Variants in S100B observed in about 807,000 individuals in gnomAD.
The protein encoded by S100B is protein S100-B.
Under a neutral mutation model 7.7 loss-of-function variants are expected in S100B, and 6 were observed. That is an observed-to-expected ratio of 0.78 (90% CI 0.43 to 1.54). S100B has a LOEUF of 1.54. Ranked by LOEUF, S100B falls within the 40% of genes most tolerant of loss-of-function variation. The probability of loss-of-function intolerance (pLI) is 0.01; values close to 1 mark genes in which losing one functional copy is unlikely to be tolerated. For missense variants in S100B, 99 were observed against 111.8 expected (o/e 0.89, Z 0.52); for synonymous variants, 36 against 40.4 (o/e 0.89, Z 0.41).
At position 46,599,387 on chromosome 21, in the gene S100B, G is replaced by A. The variant is rs779543088; in HGVS notation, c.255C>T (p.Cys85=). Residue 85 remains cysteine (C), a synonymous_variant, in exon 3 of 3, where the codon TGC becomes TGT. Coordinates refer to ENST00000291700, the MANE Select transcript of S100B (RefSeq NM_006272.3). The part of the protein sequence containing the change: ...MAFVAMVTTA[C]HEFFEHE ...CTCACTCATGTTCAAAGAACTCGTGGCAGGCAGTAGTAACCATGGCAACAA... is the reference window on the plus strand; with the variant it reads ...CTCACTCATGTTCAAAGAACTCGTGACAGGCAGTAGTAACCATGGCAACAA... The A allele has an allele frequency of 6.2e-7, 1 of 1,613,796 alleles. No homozygotes were observed. The highest frequency in any genetic ancestry group is 2.2e-5 in the East Asian group (1 of 44,886).
intron 1 of S100B, among the ~76,000 whole-genome samples, chr21:46,603,392 A>AGGGGGTGGGGGGAGGGGGGGGGCGGGGG (rs796474856): frequency 5.2e-5 from 2 of 38,224 alleles, no homozygotes; most frequent in African/African-American, 1.0e-4. Context: ...GGACGGCGGG[A>AGGGGGTGGGGGGAGGGGGGGGGCGGGGG]GGGGGTGGGG....
At chr21:46,600,581 G>A (rs978080290) in intron 2 of S100B, among the ~76,000 whole-genome samples, 1 of 152,020 alleles carries the variant, frequency 6.6e-6, no homozygotes, top group Admixed American at 6.6e-5. Flanking sequence ...ACAGAAGATT[G>A]TAACTCCACG....
At chr21:46,603,392 A>AGGGGGTGGGGGGAGGGGGGAGGCGGGG (rs796474856) in intron 1 of S100B, among the ~76,000 whole-genome samples, 1 of 38,206 alleles carries the variant, frequency 2.6e-5, no homozygotes. Context: ...GGACGGCGGG[A>AGGGGGTGGGGGGAGGGGGGAGGCGGGG]GGGGGTGGGG....
intron 1 of S100B, among the ~76,000 whole-genome samples, chr21:46,603,398 T>TGGGGGCGGGGGGGGGGG (rs2061048295): frequency 1.9e-5 from 1 of 52,070 alleles, no homozygotes; most frequent in African/African-American, 7.1e-5. Flanking sequence ...CGGGAGGGGG[T>TGGGGGCGGGGGGGGGGG]GGGGGCAGGA....
At position 46,602,366 on chromosome 21, in the gene S100B, T is replaced by C; in HGVS notation, c.50A>G (p.Gln17Arg). 6.2e-7 allele frequency: 1 copy of C among 1,614,138 alleles called. No homozygotes were observed. The change falls in exon 2 of 3, where the codon CAA becomes CGA. Residue 17 changes from glutamine (Q) to arginine (R), a missense_variant. Physicochemically the swap from Gln to Arg is conservative, Grantham distance 43 (BLOSUM62 1). Transcript: ENST00000291700. Reference sequence around the variant, plus strand: ...CTTGTCTCCCTCCCTTCCAGAATATTGGTGGAAAACGTCGATGAGGGCCAC... The same window carrying C: ...CTTGTCTCCCTCCCTTCCAGAATATCGGTGGAAAACGTCGATGAGGGCCAC... ...AMVALIDVFH[Q>R]YSGREGDKHK...
chr21:46,601,216 C>T (rs1351633150), intron 2 of S100B, among the ~76,000 whole-genome samples: 2 of 152,168 alleles, frequency 1.3e-5, no homozygotes, highest in Non-Finnish European at 2.9e-5. Flanking sequence ...GGGCAGCTCC[C>T]CGTCCCCATG....
At chr21:46,601,116 G>GC (rs2061040128) in intron 2 of S100B, among the ~76,000 whole-genome samples, 1 of 152,132 alleles carries the variant, frequency 6.6e-6, no homozygotes, top group Non-Finnish European at 1.5e-5. Flanking sequence ...ACCAGCCAGC[G>GC]CCCCCTCCCC....
chr21:46,603,398 T>TAGGGGCGGGGGGGGGGGC (rs2061047980), intron 1 of S100B, among the ~76,000 whole-genome samples: 1 of 52,070 alleles, frequency 1.9e-5, no homozygotes, highest in African/African-American at 7.1e-5. Context: ...CGGGAGGGGG[T>TAGGGGCGGGGGGGGGGGC]GGGGGCAGGA....
At chr21:46,601,583 C>T (rs941666739) in intron 2 of S100B, among the ~76,000 whole-genome samples, 2 of 152,166 alleles carry the variant, frequency 1.3e-5, no homozygotes, top group African/African-American at 2.4e-5. Context: ...CAAGCCACAG[C>T]GGGAACTGCC....
At chr21:46,602,728 C>G in intron 1 of S100B, 1 of 247,116 alleles carries the variant, frequency 4.0e-6, no homozygotes. Flanking sequence ...AATACAGAGG[C>G]AGAGCAGCAA....
intron 2 of S100B, 60 bp downstream of exon 2, chr21:46,602,218 T>C: frequency 6.9e-7 from 1 of 1,457,218 alleles, no homozygotes; most frequent in South Asian, 1.2e-5. Flanking sequence ...ATAAAGCCAG[T>C]GTACAGATGG....
chr21:46,604,309 T>C (rs1012569622), intron 1 of S100B, among the ~76,000 whole-genome samples: 1 of 152,236 alleles, frequency 6.6e-6, no homozygotes, highest in African/African-American at 2.4e-5. Flanking sequence ...CCTACATTAA[T>C]CTTTTAATAT....
chr21:46,601,337 C>G (rs1418782672), intron 2 of S100B, among the ~76,000 whole-genome samples: 1 of 152,078 alleles, frequency 6.6e-6, no homozygotes, highest in Non-Finnish European at 1.5e-5. Flanking sequence ...TATCAGTGAC[C>G]CAGGAAGCCC....
Position 46,600,383 on chromosome 21 carries a change from G to A in S100B, c.139-880C>T, listed in dbSNP as rs1054726473. 1.2e-4 allele frequency: 55 copies of A among 442,016 alleles called. No individual in the cohort carries two copies. The Admixed American group carries it at 1.3e-3, about 11-fold the overall frequency. The allele number at this position is 442,016 out of a possible 1,614,324, so 27.4% of individuals were successfully genotyped here. ...CATAGGGAGACTCCATCTCTACAAA[G>A]AAAAAATAAAACAATTAGCTGGGCA... On this transcript the variant is annotated intron_variant, in intron 2 of 2. Coordinates refer to ENST00000291700, the MANE Select transcript of S100B (RefSeq NM_006272.3).
At chr21:46,602,613 C>A in intron 1 of S100B, 197 bp from the exon 2 acceptor site, 2 of 526,844 alleles carry the variant, frequency 3.8e-6, no homozygotes, top group Non-Finnish European at 3.3e-6. Context: ...CCACCGGCCT[C>A]TTAGACAGCT....
At chr21:46,600,392 A>G (rs1359179682) in intron 2 of S100B, 2 of 444,084 alleles carry the variant, frequency 4.5e-6, no homozygotes, top group Admixed American at 4.8e-5. Flanking sequence ...AGAAAAAATA[A>G]AACAATTAGC....
At chr21:46,604,295 A>T (rs773144243) in intron 1 of S100B, among the ~76,000 whole-genome samples, 1 of 152,250 alleles carries the variant, frequency 6.6e-6, no homozygotes, top group Non-Finnish European at 1.5e-5. Flanking sequence ...CATTCTTTGA[A>T]TGTCCTACAT....
chr21:46,602,557 G>A, intron 1 of S100B, 141 bp from the exon 2 acceptor site: 1 of 757,282 alleles, frequency 1.3e-6, no homozygotes, highest in Non-Finnish European at 2.0e-6. Flanking sequence ...CAGCAGGCAT[G>A]GCCTGGAGGG....
intron 2 of S100B, among the ~76,000 whole-genome samples, chr21:46,601,820 C>T (rs1294085917): frequency 6.6e-6 from 1 of 152,258 alleles, no homozygotes; most frequent in African/African-American, 2.4e-5. Flanking sequence ...TCTGTCGTGC[C>T]TGCATATCTC....
Sources: allele counts gnomAD v4.1 joint callset (sites outside exome capture counted in the v4.1 genomes callset), GRCh38; gene constraint gnomAD v4.1.1; transcripts MANE v1.5; gene names NCBI Gene and HGNC (gene_info 2026-07-23, HGNC 2026-07-21).